Variants in SS18L1 observed in about 807,000 individuals in gnomAD.
SS18L1 encodes SS18L1 subunit of BAF chromatin remodeling complex, also known as calcium-responsive transactivator.
A neutral mutation model predicts 70.3 loss-of-function variants in SS18L1; 32 were observed. The ratio of observed to expected loss-of-function variants is 0.46; its 90% confidence interval spans 0.34 to 0.61. The LOEUF (loss-of-function observed/expected upper bound fraction) is 0.61, where lower values mean the gene tolerates loss of function less well. SS18L1 is among the 20% of genes least tolerant of loss of function. The pLI is 0.01. For synonymous variants in SS18L1, 237 were observed against 229.7 expected (o/e 1.03, Z -0.29); for missense variants, 430 against 542.1 (o/e 0.79, Z 2.05).
rs369382209 is a variant in SS18L1, at chr20:62,159,984, C to T, written c.231+23C>T. On this transcript the variant is annotated intron_variant, in intron 3 of 10. Transcript: ENST00000331758. The surrounding 1 kb of genome is among the most constrained non-coding windows in gnomAD (Gnocchi z 4.4). ...GCCGTGAGTACCCACGGGGGGTTGGCCTCCTTTACCCAGCAAGGACTCCGA... is the reference window on the plus strand; with the variant it reads ...GCCGTGAGTACCCACGGGGGGTTGGTCTCCTTTACCCAGCAAGGACTCCGA... The T allele has an allele frequency of 6.2e-6, 10 of 1,600,516 alleles. No homozygotes were observed. The highest frequency in any genetic ancestry group is 6.8e-6 in the Non-Finnish European group (8 of 1,174,110).
At position 62,161,071 on chromosome 20, in the gene SS18L1, G is replaced by GAGC. The variant is rs1418663401; in HGVS notation, c.232-363_232-361dup. Among the ~76,000 whole-genome samples the GAGC allele has an allele frequency of 6.6e-6, 1 of 151,874 alleles. No homozygotes were observed. The highest frequency in any genetic ancestry group is 6.6e-5 in the Admixed American group (1 of 15,250). ...TTGGCACGGAGGGGTCGTGGTTGGG[G>GAGC]AGCACAGAGGCGCTGGTCACCTGCG... is the stretch of plus-strand genomic sequence containing the variant. On this transcript the variant is annotated intron_variant, in intron 3 of 10. Coordinates refer to ENST00000331758, the MANE Select transcript of SS18L1 (RefSeq NM_198935.3). The surrounding 1 kb of genome is among the most constrained non-coding windows in gnomAD (Gnocchi z 4.4).
At chr20:62,178,762 G>C (rs1174416640) in intron 10 of SS18L1, among the ~76,000 whole-genome samples, 1 of 152,188 alleles carries the variant, frequency 6.6e-6, no homozygotes, top group Non-Finnish European at 1.5e-5. Flanking sequence ...CCCAGCCTGG[G>C]TCTTTAGATT....
rs1364642992 is a variant in SS18L1, at chr20:62,159,484, T to C, written c.147-393T>C. On this transcript the variant is annotated intron_variant, in intron 2 of 10. Coordinates refer to ENST00000331758, the MANE Select transcript of SS18L1 (RefSeq NM_198935.3). This position sits in a 1 kb window ranked among gnomAD's most constrained non-coding sequence, Gnocchi z 4.4. The stretch of plus-strand genomic sequence containing the variant: ...GGCTTTCTCAGGGTCGTTGGCTCTA[T>C]GGAGTCCGCCCACTGCCTGGCTCAG... 6.6e-6 allele frequency among the ~76,000 whole-genome samples: 1 copy of C among 152,182 alleles called. No individual in the cohort carries two copies. The highest frequency in any genetic ancestry group is 2.4e-5 in the African/African-American group (1 of 41,444).
rs991591628 is a variant in SS18L1, at chr20:62,179,956, C to G, written c.*748C>G. The G allele has an allele frequency of 4.5e-6, 1 of 222,516 alleles. No homozygotes were observed. Among genetic ancestry groups the G allele is most frequent in the African/African-American group, 2.2e-5 (1 of 44,654 alleles). 13.8% of individuals were successfully genotyped at this position (222,516 alleles called of 1,614,324 possible). A position where few individuals can be genotyped will look rare whatever the true frequency, so the allele number is the denominator to read the frequency against. ...AAGGGCCGTGGACAAATTGCCTAAC[C>G]CAGGGCCAGCGGTATTGCTGAAGGA... On this transcript the variant is annotated 3_prime_UTR_variant, in exon 11 of 11. Coordinates refer to ENST00000331758, the MANE Select transcript of SS18L1 (RefSeq NM_198935.3).
intron 7 of SS18L1, 61 bp from the exon 8 acceptor site, chr20:62,165,358 GCCT>G (rs2057408042): frequency 6.7e-7 from 1 of 1,498,720 alleles, no homozygotes. Flanking sequence ...GGTCTCAGTT[GCCT>G]CCTCCGGGAC....
In SS18L1 at chr20:62,179,730, G is replaced by GGGGGCCCCCC; in HGVS notation, c.*522_*523insGGGGCCCCCC. The stretch of plus-strand genomic sequence containing the variant: ...GTGCCTCGATGGGGTGGGTGGGAGG[G>GGGGGCCCCCC]CATCTTCTGTGCGTTGGGTCAGTTT... On this transcript the variant is annotated 3_prime_UTR_variant, in exon 11 of 11. Coordinates refer to ENST00000331758, the MANE Select transcript of SS18L1 (RefSeq NM_198935.3). 1 of 96,716 alleles carries GGGGGCCCCCC rather than the reference G, an allele frequency of 1.0e-5. No individual in the cohort carries two copies. Among genetic ancestry groups the GGGGGCCCCCC allele is most frequent in the Non-Finnish European group, 2.0e-5 (1 of 48,824 alleles). 6.0% of individuals were successfully genotyped at this position (96,716 alleles called of 1,614,324 possible).
intron 10 of SS18L1, among the ~76,000 whole-genome samples, chr20:62,178,452 C>T (rs6142976): frequency 0.074 from 11,285 of 151,996 alleles, 521 homozygotes; most frequent in South Asian, 0.2. Flanking sequence ...TGTGCCTGGC[C>T]GAGGCTAATT....
At chr20:62,148,728 A>C (rs1226960180) in intron 1 of SS18L1, among the ~76,000 whole-genome samples, 3 of 152,250 alleles carry the variant, frequency 2.0e-5, no homozygotes, top group Non-Finnish European at 2.9e-5. Flanking sequence ...GGGAGCAGCC[A>C]CAGCCTGGCC....
chr20:62,178,535 G>A (rs1021173233), intron 10 of SS18L1, among the ~76,000 whole-genome samples: 2 of 151,832 alleles, frequency 1.3e-5, no homozygotes, highest in Non-Finnish European at 2.9e-5. Context: ...GGCTCAAGCA[G>A]TCCTCCTGCC....
chr20:62,163,782 G>C (rs971075070), intron 6 of SS18L1, among the ~76,000 whole-genome samples, 160 bp downstream of exon 6: 1 of 151,648 alleles, frequency 6.6e-6, no homozygotes, highest in Non-Finnish European at 1.5e-5. Context: ...TGTGGACCCT[G>C]GGGGTGAGGG....
In SS18L1 at chr20:62,159,000, C is replaced by G. The variant is rs1284827614; in HGVS notation, c.146+252C>G. 6 of 1,520,094 alleles carry G rather than the reference C, an allele frequency of 3.9e-6. No individual in the cohort carries two copies. In the East Asian group the frequency reaches 1.5e-4, roughly 38 times the overall value. 94.2% of individuals were successfully genotyped at this position (1,520,094 alleles called of 1,614,324 possible). On this transcript the variant is annotated intron_variant, in intron 2 of 10. Coordinates refer to ENST00000331758, the MANE Select transcript of SS18L1 (RefSeq NM_198935.3). This position sits in a 1 kb window ranked among gnomAD's most constrained non-coding sequence, Gnocchi z 4.5. ...AGGCCAGATATGTCCCGAGAGTCCC[C>G]CAGCACGGAGGCCAGATATGTCCCG...
chr20:62,150,596 T>C (rs1340915399), intron 1 of SS18L1, among the ~76,000 whole-genome samples: 1 of 149,218 alleles, frequency 6.7e-6, no homozygotes, highest in South Asian at 2.1e-4. Context: ...GTGTCCATGT[T>C]GTGGAATTCT....
intron 5 of SS18L1, among the ~76,000 whole-genome samples, 167 bp downstream of exon 5, chr20:62,163,098 G>C (rs923349366): frequency 2.6e-5 from 4 of 152,204 alleles, no homozygotes; most frequent in Admixed American, 1.3e-4. Flanking sequence ...CTTCCGGAGG[G>C]ATGGGCGCCA....
intron 9 of SS18L1, 109 bp downstream of exon 9, chr20:62,172,910 AGGGCTACG>A (rs2057558157): frequency 6.4e-7 from 1 of 1,551,488 alleles, no homozygotes; most frequent in Non-Finnish European, 8.7e-7. Flanking sequence ...GGGCAGCAGC[AGGGCTACG>A]GTAAGAGGCG....
intron 1 of SS18L1, among the ~76,000 whole-genome samples, chr20:62,152,776 C>T (rs953690096): frequency 3.3e-5 from 5 of 152,162 alleles, no homozygotes; most frequent in Admixed American, 6.5e-5. Flanking sequence ...CAGATGATAC[C>T]GTGAGTAAAT....
rs1305629621 is a variant in SS18L1 at position 62,159,895 on chromosome 20, C to G, written c.165C>G (p.His55Gln). 6.2e-6 allele frequency: 10 copies of G among 1,612,564 alleles called. No homozygotes were observed. The highest frequency in any genetic ancestry group is 7.6e-6 in the Non-Finnish European group (9 of 1,179,890). The change falls in exon 3 of 11, where the codon CAC (histidine) becomes CAG (glutamine). Residue 55 changes from histidine to glutamine, a missense_variant. His to Gln is a conservative substitution (Grantham distance 24). Coordinates refer to ENST00000331758, the MANE Select transcript of SS18L1 (RefSeq NM_198935.3). This position sits in a 1 kb window ranked among gnomAD's most constrained non-coding sequence, Gnocchi z 4.4. ...AECTQYQQIL[H>Q]RNLVYLATIA... ...CCTGCAGGTACCAGCAGATCCTGCA[C>G]CGGAACCTGGTATACCTGGCCACGA... is the stretch of plus-strand genomic sequence containing the variant.
intron 1 of SS18L1, among the ~76,000 whole-genome samples, chr20:62,147,823 C>T (rs2057058492): frequency 6.6e-6 from 1 of 152,014 alleles, no homozygotes; most frequent in African/African-American, 2.4e-5. Context: ...ACCAGCCCTA[C>T]CCCATGTCCT....
intron 1 of SS18L1, among the ~76,000 whole-genome samples, chr20:62,150,743 C>G (rs1314772983): frequency 7.1e-6 from 1 of 140,812 alleles, no homozygotes; most frequent in Non-Finnish European, 1.5e-5. Flanking sequence ...GCCTTGTCCT[C>G]CTGGGCTCAA....
chr20:62,166,438 G>T (rs1235106250), intron 8 of SS18L1, among the ~76,000 whole-genome samples: 1 of 152,248 alleles, frequency 6.6e-6, no homozygotes, highest in Admixed American at 6.5e-5. Flanking sequence ...ACTTCTTAAA[G>T]AATTGGATGT....
Sources: gnomAD v4.1 joint callset for allele counts (sites outside exome capture counted in the v4.1 genomes callset) on GRCh38, gnomAD v4.1.1 for gene constraint, Gnocchi (gnomAD v3.1) non-coding constraint, MANE v1.5 for transcripts, NCBI Gene and HGNC (gene_info 2026-07-23, HGNC 2026-07-21) for gene names.